The following BANP variants were observed in gnomAD, a reference collection of about 807,000 sequenced individuals.
BANP encodes the protein BTG3 associated nuclear protein.
A neutral mutation model predicts 68.1 loss-of-function variants in BANP; 11 were observed. The observed-to-expected ratio is 0.16, with a 90% CI of 0.10 to 0.27. BANP has a LOEUF of 0.27. Among genes scored for constraint, BANP ranks in the 10% least tolerant of loss-of-function variants. BANP has a pLI of 1.00. For synonymous variants in BANP, 329 were observed against 303.2 expected (o/e 1.09, Z -0.88); for missense variants, 504 against 722.7 (o/e 0.70, Z 3.47).
intron 2 of BANP, among the ~76,000 whole-genome samples, chr16:87,979,425 G>T (rs1262396252): frequency 6.6e-6 from 1 of 152,184 alleles, no homozygotes; most frequent in Non-Finnish European, 1.5e-5. Context: ...GTATAAACCG[G>T]TGTGAGTTGA....
At position 88,002,801 on chromosome 16, in the gene BANP, C is replaced by G. The variant is rs1422668674; in HGVS notation, c.363-1494C>G. Among the ~76,000 whole-genome samples the G allele has an allele frequency of 9.2e-5, 14 of 152,220 alleles. No individual in the cohort carries two copies. On this transcript the variant is annotated intron_variant, in intron 4 of 13. Transcript: ENST00000682872. This position sits in a 1 kb window ranked among gnomAD's most constrained non-coding sequence, Gnocchi z 4.6. Reference sequence around the variant, plus strand: ...TACTCTATTAAAATTTCTTCTCAGACTGTCAGTGTGCCAGTGGCCACTGTG... The same window carrying G: ...TACTCTATTAAAATTTCTTCTCAGAGTGTCAGTGTGCCAGTGGCCACTGTG...
At chr16:87,978,048 C>G (rs1160514382) in intron 2 of BANP, among the ~76,000 whole-genome samples, 1 of 152,184 alleles carries the variant, frequency 6.6e-6, no homozygotes, top group Non-Finnish European at 1.5e-5. Context: ...GTTGGCCAGG[C>G]TGGTCTCGAA....
At position 88,036,075 on chromosome 16, in the gene BANP, C is replaced by T. The variant is rs184562773; in HGVS notation, c.1272+681C>T. On this transcript the variant is annotated intron_variant, in intron 10 of 13. Coordinates refer to ENST00000682872, the MANE Select transcript of BANP (RefSeq NM_001386991.1). The surrounding 1 kb of genome is among the most constrained non-coding windows in gnomAD (Gnocchi z 4.2). ...TCCATGTTTGCATGCCAGAGCAGGA[C>T]TGTCTCCCGGGTGACCGTCCTTCGA... Among the ~76,000 whole-genome samples, 11 of 152,350 alleles carry T rather than the reference C, an allele frequency of 7.2e-5. No homozygotes were observed. Among genetic ancestry groups the T allele is most frequent in the Non-Finnish European group, 1.3e-4 (9 of 68,040 alleles).
chr16:87,989,524 AGTGTT>A (rs2065328777), intron 4 of BANP, among the ~76,000 whole-genome samples: 20 of 152,254 alleles, frequency 1.3e-4, no homozygotes, highest in Admixed American at 1.2e-3. Context: ...CAGAGCATGG[AGTGTT>A]GCCCGTCAGG....
intron 11 of BANP, among the ~76,000 whole-genome samples, chr16:88,049,926 G>C (rs1380550731): frequency 6.6e-6 from 1 of 152,188 alleles, no homozygotes; most frequent in African/African-American, 2.4e-5. Flanking sequence ...TGGGGATTTA[G>C]ATTACATACA....
chr16:88,051,943 G>A (rs74040283), intron 11 of BANP, among the ~76,000 whole-genome samples: 9 of 152,090 alleles, frequency 5.9e-5, no homozygotes, highest in African/African-American at 2.2e-4. Flanking sequence ...ATAAAGTGAA[G>A]ACCTAAACAT....
Position 88,019,129 on chromosome 16 carries a change from G to A in BANP, c.895+462G>A, listed in dbSNP as rs2075281872. ...GTGCCAGGGCCTCAGCGCTGACCTGGCTGTGATGGGAGCCAGGAGAGCTCC... is the reference window on the plus strand; with the variant it reads ...GTGCCAGGGCCTCAGCGCTGACCTGACTGTGATGGGAGCCAGGAGAGCTCC... On this transcript the variant is annotated intron_variant, in intron 7 of 13. Transcript: ENST00000682872. Among the ~76,000 whole-genome samples the A allele has an allele frequency of 3.3e-5, 5 of 152,194 alleles. No individual in the cohort carries two copies. The South Asian group carries it at 1.0e-3, about 31-fold the overall frequency.
chr16:88,073,648 C>G (rs947818491), intron 13 of BANP, among the ~76,000 whole-genome samples: 5 of 152,210 alleles, frequency 3.3e-5, no homozygotes, highest in Non-Finnish European at 7.4e-5. Context: ...TCAGGCGTGG[C>G]TGCCTCAGCC....
In BANP at chr16:88,046,506, G is replaced by A. The variant is rs575016131; in HGVS notation, c.1311+8495G>A. ...CTCGTGCAGTCTTGGGTGGGAGTTG[G>A]CATTGTTTATGTTCTTTTTTTAATT... On this transcript the variant is annotated intron_variant, in intron 11 of 13. Transcript: ENST00000682872. Among the ~76,000 whole-genome samples, 7 of 152,212 alleles carry A rather than the reference G, an allele frequency of 4.6e-5. No homozygotes were observed. In the East Asian group the frequency reaches 1.4e-3, roughly 29 times the overall value.
intron 2 of BANP, chr16:87,978,532 G>A: frequency 2.2e-6 from 1 of 452,466 alleles, no homozygotes; most frequent in Non-Finnish European, 4.6e-6. Flanking sequence ...TAGGCATGGA[G>A]TTTTAAAAGT....
rs764132919 is a variant in BANP, at chr16:88,006,187, G to A, written c.577G>A (p.Asp193Asn). The change falls in exon 6 of 14, where the codon GAC (aspartate) becomes AAC (asparagine). Residue 193 changes from aspartate to asparagine, a missense_variant. Asp to Asn is a conservative substitution (Grantham distance 23). Coordinates refer to ENST00000682872, the MANE Select transcript of BANP (RefSeq NM_001386991.1). ...CGGGGAGAGCGGCTCGGAGGCCAGC[G>A]ACTCTGTGTCCAGCTGTGGGCAGGC... is the stretch of plus-strand genomic sequence containing the variant. ...EDGESGSEAS[D>N]SVSSCGQAGS... is the part of the protein sequence containing the mutation. 33 of 1,613,730 alleles carry A rather than the reference G, an allele frequency of 2.0e-5. No homozygotes were observed. The highest frequency in any genetic ancestry group is 2.4e-5 in the Non-Finnish European group (28 of 1,179,950).
At chr16:87,974,847 G>A (rs2145765754) in intron 1 of BANP, among the ~76,000 whole-genome samples, 1 of 152,328 alleles carries the variant, frequency 6.6e-6, no homozygotes, top group Admixed American at 6.5e-5. Flanking sequence ...TAAGGAAAGA[G>A]GCAGCGGGTG....
At chr16:87,999,343 C>A (rs1279683049) in intron 4 of BANP, among the ~76,000 whole-genome samples, 1 of 146,178 alleles carries the variant, frequency 6.8e-6, no homozygotes, top group Non-Finnish European at 1.5e-5. Flanking sequence ...CGCACATGCG[C>A]GGCTGTACTT....
At position 87,966,363 on chromosome 16, in the gene BANP, C is replaced by T. The variant is rs570971679; in HGVS notation, c.-68-8685C>T. Among the ~76,000 whole-genome samples the T allele has an allele frequency of 2.0e-5, 3 of 152,244 alleles. No individual in the cohort carries two copies. The East Asian group carries it at 5.8e-4, about 29-fold the overall frequency. ...GGCTTGCTTGAGCATTAGTCTCAGTCCAGCTGTTTTATTGTATTAAGACTG... is the reference window on the plus strand; with the variant it reads ...GGCTTGCTTGAGCATTAGTCTCAGTTCAGCTGTTTTATTGTATTAAGACTG... On this transcript the variant is annotated intron_variant, in intron 1 of 13. Coordinates refer to ENST00000682872, the MANE Select transcript of BANP (RefSeq NM_001386991.1).
chr16:88,020,657 C>T (rs2075843857), intron 7 of BANP, among the ~76,000 whole-genome samples: 1 of 152,128 alleles, frequency 6.6e-6, no homozygotes. Flanking sequence ...GTGGGATGAG[C>T]GTGCTGTGCT....
chr16:88,007,400 C>T lies in BANP; in HGVS notation c.655+1135C>T, dbSNP rs532441811. On this transcript the variant is annotated intron_variant, in intron 6 of 13. Transcript: ENST00000682872. ...CTGTTTGTCCTACTTGGACTCCTAGCGGGGGCCTCTCTCCTGCAGGGCTCT... is the reference window on the plus strand; with the variant it reads ...CTGTTTGTCCTACTTGGACTCCTAGTGGGGGCCTCTCTCCTGCAGGGCTCT... Among the ~76,000 whole-genome samples, 7 of 152,230 alleles carry T rather than the reference C, an allele frequency of 4.6e-5. No homozygotes were observed. The South Asian group carries it at 8.3e-4, about 18-fold the overall frequency.
In BANP at chr16:88,004,182, C is replaced by G. The variant is rs1598348804; in HGVS notation, c.363-113C>G. 2.8e-6 allele frequency: 2 copies of G among 722,132 alleles called. No individual in the cohort carries two copies. Among genetic ancestry groups the G allele is most frequent in the Non-Finnish European group, 2.5e-6 (1 of 407,170 alleles). The allele number at this position is 722,132 out of a possible 1,614,324, so 44.7% of individuals were successfully genotyped here. On this transcript the variant is annotated intron_variant, in intron 4 of 13. Coordinates refer to ENST00000682872, the MANE Select transcript of BANP (RefSeq NM_001386991.1). This position sits in a 1 kb window ranked among gnomAD's most constrained non-coding sequence, Gnocchi z 7.0. ...TATGTTGAATGACTCTTAGGCCTCC[C>G]CCTCAGTGCGGGTCCCTGGGAGTGG...
In BANP at chr16:88,065,352, C is replaced by A; in HGVS notation, c.1377+20C>A. Reference sequence around the variant, plus strand: ...GGCCAGGTGAGTCCTTTGTACATCCCATCTCTCCCACCCTCTGTGGCTGGG... The same window carrying A: ...GGCCAGGTGAGTCCTTTGTACATCCAATCTCTCCCACCCTCTGTGGCTGGG... On this transcript the variant is annotated intron_variant, in intron 12 of 13. Transcript: ENST00000682872. 1 of 765,528 alleles carries A rather than the reference C, an allele frequency of 1.3e-6. No homozygotes were observed. Among genetic ancestry groups the A allele is most frequent in the South Asian group, 1.4e-5 (1 of 73,990 alleles). 47.4% of individuals were successfully genotyped at this position (765,528 alleles called of 1,614,324 possible). A position where few individuals can be genotyped will look rare whatever the true frequency, so the allele number is the denominator to read the frequency against.
chr16:88,021,557 G>A (rs906943240), intron 7 of BANP, among the ~76,000 whole-genome samples: 5 of 152,244 alleles, frequency 3.3e-5, no homozygotes, highest in African/African-American at 1.2e-4. Context: ...GCGTGCCTGC[G>A]TGGCTCGTGC....
Sources: gnomAD v4.1 joint callset for allele counts (sites outside exome capture counted in the v4.1 genomes callset) on GRCh38, gnomAD v4.1.1 for gene constraint, Gnocchi (gnomAD v3.1) non-coding constraint, MANE v1.5 for transcripts, NCBI Gene and HGNC (gene_info 2026-07-23, HGNC 2026-07-21) for gene names.